The following ENTHD1 variants were observed in gnomAD, a reference collection of about 807,000 sequenced individuals.
The protein encoded by ENTHD1 is ENTH domain containing 1.
A neutral mutation model predicts 39.1 loss-of-function variants in ENTHD1; 23 were observed. The ratio of observed to expected loss-of-function variants is 0.59; its 90% confidence interval spans 0.42 to 0.83. The LOEUF is 0.83. Ranked by LOEUF, ENTHD1 falls within the 40% of genes least tolerant of loss-of-function variation. The pLI is 0.00. For missense variants in ENTHD1, 624 were observed against 705.4 expected, an observed-to-expected ratio of 0.88 and a Z score of 1.31; for synonymous variants, 230 against 258.2, an observed-to-expected ratio of 0.89 and a Z score of 1.05.
At chr22:39,780,756 T>C (rs1025323422) in intron 5 of ENTHD1, among the ~76,000 whole-genome samples, 12 of 152,182 alleles carry the variant, frequency 7.9e-5, no homozygotes, top group African/African-American at 2.9e-4. Context: ...CCCAGCACTT[T>C]GGGAGGCCAG....
chr22:39,749,815 G>A (rs1437520330), intron 6 of ENTHD1, among the ~76,000 whole-genome samples: 1 of 152,222 alleles, frequency 6.6e-6, no homozygotes, highest in African/African-American at 2.4e-5. Context: ...TGCCGCCTAG[G>A]GAGTTACCCT....
chr22:39,796,836 G>A (rs1381060834), intron 5 of ENTHD1, among the ~76,000 whole-genome samples: 1 of 152,184 alleles, frequency 6.6e-6, no homozygotes, highest in African/African-American at 2.4e-5. Context: ...AGAAGACTGT[G>A]TTCTGCAGCT....
chr22:39,779,252 G>T (rs1342973486), intron 5 of ENTHD1, among the ~76,000 whole-genome samples: 1 of 152,086 alleles, frequency 6.6e-6, no homozygotes. Flanking sequence ...GGGAGGCAAA[G>T]GTTGCAGTGA....
chr22:39,864,877 G>A (rs561164705), intron 2 of ENTHD1, among the ~76,000 whole-genome samples: 11 of 152,290 alleles, frequency 7.2e-5, no homozygotes, highest in Non-Finnish European at 1.0e-4. Context: ...GGGTGACAGC[G>A]TGAGACTCAG....
chr22:39,780,864 T>C (rs2065403946), intron 5 of ENTHD1, among the ~76,000 whole-genome samples: 1 of 152,018 alleles, frequency 6.6e-6, no homozygotes, highest in East Asian at 1.9e-4. Context: ...CCAGGCATGG[T>C]GGTGGGCACC....
At chr22:39,753,682 C>T (rs892092138) in intron 6 of ENTHD1, among the ~76,000 whole-genome samples, 4 of 152,196 alleles carry the variant, frequency 2.6e-5, no homozygotes, top group East Asian at 1.9e-4. Flanking sequence ...CCCTGAGTGA[C>T]GCCAATGTCC....
rs533943754 is a variant in ENTHD1 at position 39,791,561 on chromosome 22, A to AT, written c.833-25953dup. 4.0e-3 allele frequency among the ~76,000 whole-genome samples: 600 copies of AT among 150,888 alleles called. 8 individuals are homozygous for AT. The highest frequency in any genetic ancestry group is 0.013 in the African/African-American group (548 of 41,142). On this transcript the variant is annotated intron_variant, in intron 5 of 6. Transcript: ENST00000325157. The stretch of plus-strand genomic sequence containing the variant: ...AGGTGTGTGCCACCAGGCCTGGCTG[A>AT]TTTTTTTTGTATTTTTATTAGAGAC...
At chr22:39,827,201 G>A (rs980369907) in intron 4 of ENTHD1, among the ~76,000 whole-genome samples, 2 of 151,962 alleles carry the variant, frequency 1.3e-5, no homozygotes, top group African/African-American at 4.8e-5. Flanking sequence ...ATTTTTAATA[G>A]AGACGGGGTT....
intron 6 of ENTHD1, among the ~76,000 whole-genome samples, chr22:39,759,542 T>G (rs1247683812): frequency 6.6e-6 from 1 of 152,122 alleles, no homozygotes; most frequent in East Asian, 1.9e-4. Flanking sequence ...TTTAACCTTT[T>G]TAAAGAGCCA....
At chr22:39,763,540 T>C (rs2065252160) in intron 6 of ENTHD1, among the ~76,000 whole-genome samples, 1 of 152,154 alleles carries the variant, frequency 6.6e-6, no homozygotes, top group Admixed American at 6.6e-5. Flanking sequence ...GCTCTGAGAA[T>C]TGGCAAATGA....
chr22:39,829,850 T>C (rs1055113891), intron 4 of ENTHD1, among the ~76,000 whole-genome samples: 1 of 151,906 alleles, frequency 6.6e-6, no homozygotes, highest in Non-Finnish European at 1.5e-5. Flanking sequence ...CTTAATGTCT[T>C]ATCTTTAAAT....
At chr22:39,891,534 T>C (rs954393610) in intron 1 of ENTHD1, among the ~76,000 whole-genome samples, 2 of 151,630 alleles carry the variant, frequency 1.3e-5, no homozygotes, top group Non-Finnish European at 2.9e-5. Context: ...TGCAAACTCC[T>C]GGGCTCAAGC....
intron 6 of ENTHD1, among the ~76,000 whole-genome samples, chr22:39,758,771 C>T (rs747328812): frequency 5.9e-5 from 9 of 152,180 alleles, no homozygotes; most frequent in African/African-American, 1.7e-4. Context: ...TCAGCTTGAG[C>T]GAAGTTCCCT....
At chr22:39,785,554 T>G (rs1313661741) in intron 5 of ENTHD1, among the ~76,000 whole-genome samples, 1 of 152,204 alleles carries the variant, frequency 6.6e-6, no homozygotes, top group Non-Finnish European at 1.5e-5. Context: ...TTGTGTTGGT[T>G]GTTGCTGCCT....
intron 5 of ENTHD1, among the ~76,000 whole-genome samples, chr22:39,775,913 T>A (rs1299253585): frequency 1.2e-4 from 19 of 152,116 alleles, no homozygotes; most frequent in Non-Finnish European, 2.6e-4. Flanking sequence ...TTTTAAGGGG[T>A]TGGGGGCAGG....
At chr22:39,842,370 A>G (rs2065951031) in intron 3 of ENTHD1, among the ~76,000 whole-genome samples, 2 of 151,966 alleles carry the variant, frequency 1.3e-5, no homozygotes, top group African/African-American at 4.8e-5. Flanking sequence ...ACTTTCAGGT[A>G]CACCAATCAG....
At chr22:39,784,079 C>T (rs1331919825) in intron 5 of ENTHD1, among the ~76,000 whole-genome samples, 1 of 151,764 alleles carries the variant, frequency 6.6e-6, no homozygotes, top group Non-Finnish European at 1.5e-5. Context: ...TAAAAATGGG[C>T]AAAAGATCTT....
chr22:39,882,330 G>C (rs895410347), intron 2 of ENTHD1, among the ~76,000 whole-genome samples: 5 of 152,076 alleles, frequency 3.3e-5, no homozygotes, highest in African/African-American at 1.2e-4. Context: ...TGGGGATAGA[G>C]GGAAAAAGGA....
intron 5 of ENTHD1, among the ~76,000 whole-genome samples, chr22:39,802,524 A>G (rs1412129653): frequency 6.6e-6 from 1 of 152,210 alleles, no homozygotes. Context: ...CACACAAGGT[A>G]GGTCAGAGAA....
Sources: allele counts gnomAD v4.1 joint callset (sites outside exome capture counted in the v4.1 genomes callset), GRCh38; gene constraint gnomAD v4.1.1; transcripts MANE v1.5; gene names NCBI Gene and HGNC (gene_info 2026-07-23, HGNC 2026-07-21).